Variants in SKI observed in about 807,000 individuals in gnomAD.
SKI encodes ski oncogene.
SKI carries 23 observed loss-of-function variants against 59.3 expected under a neutral mutation model. The observed-to-expected ratio is 0.39, with a 90% confidence interval of 0.28 to 0.55. SKI has a LOEUF of 0.55. SKI is among the 20% of genes least tolerant of loss of function. The pLI is 0.67. For synonymous variants in SKI, 673 were observed against 488.6 expected, an observed-to-expected ratio of 1.38 and a Z score of -4.98; for missense variants, 1,017 against 1,038.9, an observed-to-expected ratio of 0.98 and a Z score of 0.29.
rs190797560 is a variant in SKI at position 2,241,636 on chromosome 1, G to A, written c.969+11901G>A. Among the ~76,000 whole-genome samples the A allele has an allele frequency of 2.4e-4, 37 of 152,156 alleles. 1 individual carries two copies. In the East Asian group the frequency reaches 5.0e-3, roughly 21 times the overall value. The stretch of plus-strand genomic sequence containing the variant: ...TCTCGATCTCCTGACCTCGCGATCC[G>A]CCCGCCTCGGCCTCCCAAAGTGCTA... On this transcript the variant is annotated intron_variant, in intron 1 of 6. Coordinates refer to ENST00000378536, the MANE Select transcript of SKI (RefSeq NM_003036.4).
intron 1 of SKI, among the ~76,000 whole-genome samples, chr1:2,282,918 G>A (rs574716664): frequency 1.3e-5 from 2 of 152,354 alleles, no homozygotes; most frequent in East Asian, 1.9e-4. Context: ...CCTAAGCTGA[G>A]CCACTGTGTA....
chr1:2,268,073 T>C lies in SKI; in HGVS notation c.970-34905T>C, dbSNP rs940026943. Among the ~76,000 whole-genome samples the C allele has an allele frequency of 6.6e-6, 1 of 152,200 alleles. No homozygotes were observed. Among genetic ancestry groups the C allele is most frequent in the Non-Finnish European group, 1.5e-5 (1 of 68,004 alleles). Reference sequence around the variant, plus strand: ...CAGGCCAGGGCACTCCCAACAGCACTGCGTGGAGCTGGTGCCCACCCCTGT... The same window carrying C: ...CAGGCCAGGGCACTCCCAACAGCACCGCGTGGAGCTGGTGCCCACCCCTGT... On this transcript the variant is annotated intron_variant, in intron 1 of 6. Coordinates refer to ENST00000378536, the MANE Select transcript of SKI (RefSeq NM_003036.4). The surrounding 1 kb of genome is among the most constrained non-coding windows in gnomAD (Gnocchi z 5.0).
intron 1 of SKI, among the ~76,000 whole-genome samples, chr1:2,245,814 T>TTTTTTTTGG (rs71266538): frequency 7.0e-6 from 1 of 142,510 alleles, no homozygotes; most frequent in African/African-American, 2.7e-5. Flanking sequence ...TTTTTTTTTT[T>TTTTTTTTGG]GAGGCAGGGT....
chr1:2,258,106 A>T (rs192912369), intron 1 of SKI, among the ~76,000 whole-genome samples: 2 of 152,350 alleles, frequency 1.3e-5, no homozygotes, highest in East Asian at 3.9e-4. Context: ...GAGGTACTTT[A>T]TAAAGGGAAA....
chr1:2,305,954 C>CCCATGG (rs1640562093), intron 5 of SKI, 66 bp from the exon 6 acceptor site: 1 of 1,239,722 alleles, frequency 8.1e-7, no homozygotes. Flanking sequence ...CTGAGGACTG[C>CCCATGG]TGGTCATGGT....
At chr1:2,286,033 C>A (rs1640034530) in intron 1 of SKI, among the ~76,000 whole-genome samples, 1 of 152,006 alleles carries the variant, frequency 6.6e-6, no homozygotes, top group Non-Finnish European at 1.5e-5. Context: ...ACTGCCACAC[C>A]CGGCTAATTT....
rs996858859 is a variant in SKI, at chr1:2,267,110, G to C, written c.970-35868G>C. Reference sequence around the variant, plus strand: ...CTTCATCACCGCCTTTTCAGTTTCAGCGGGAATTGATTATGAACAAAGTGC... The same window carrying C: ...CTTCATCACCGCCTTTTCAGTTTCACCGGGAATTGATTATGAACAAAGTGC... On this transcript the variant is annotated intron_variant, in intron 1 of 6. Coordinates refer to ENST00000378536, the MANE Select transcript of SKI (RefSeq NM_003036.4). This position sits in a 1 kb window ranked among gnomAD's most constrained non-coding sequence, Gnocchi z 4.1. 2.6e-5 allele frequency among the ~76,000 whole-genome samples: 4 copies of C among 152,188 alleles called. No homozygotes were observed. Among genetic ancestry groups the C allele is most frequent in the African/African-American group, 9.7e-5 (4 of 41,430 alleles).
chr1:2,249,661 G>A (rs1389628491), intron 1 of SKI, among the ~76,000 whole-genome samples: 1 of 152,214 alleles, frequency 6.6e-6, no homozygotes, highest in Non-Finnish European at 1.5e-5. Context: ...GTGGAGGAGG[G>A]AAGAGCCAGC....
At position 2,309,667 on chromosome 1, in the gene SKI, C is replaced by A. The variant is rs1367185201; in HGVS notation, c.*2902C>A. The stretch of plus-strand genomic sequence containing the variant: ...CCTCCCTGTGGGTCTGAGCCCCGGC[C>A]CCCCCCACCTCCTCCTCCCTGTGGG... On this transcript the variant is annotated 3_prime_UTR_variant, in exon 7 of 7. Transcript: ENST00000378536. The A allele has an allele frequency of 2.5e-5, 3 of 118,218 alleles. No homozygotes were observed. In the South Asian group the frequency reaches 1.1e-3, roughly 45 times the overall value. 7.3% of individuals were successfully genotyped at this position (118,218 alleles called of 1,614,324 possible).
At chr1:2,286,211 G>T (rs1323124749) in intron 1 of SKI, among the ~76,000 whole-genome samples, 1 of 152,190 alleles carries the variant, frequency 6.6e-6, no homozygotes, top group African/African-American at 2.4e-5. Flanking sequence ...AGTTTAAGAC[G>T]CAAATGCAGG....
At chr1:2,254,726 C>CTGCG (rs1484853848) in intron 1 of SKI, among the ~76,000 whole-genome samples, 2 of 151,570 alleles carry the variant, frequency 1.3e-5, no homozygotes, top group African/African-American at 2.4e-5. Flanking sequence ...ACTGTGGTCA[C>CTGCG]TGCGTGCGTG....
chr1:2,270,865 C>T lies in SKI; in HGVS notation c.970-32113C>T, dbSNP rs868562034. The stretch of plus-strand genomic sequence containing the variant: ...GGTGCACAAGTTCACATTTGTCCCT[C>T]TCCTGCCCCAGGGCACCTGGCCCTG... On this transcript the variant is annotated intron_variant, in intron 1 of 6. Coordinates refer to ENST00000378536, the MANE Select transcript of SKI (RefSeq NM_003036.4). This position sits in a 1 kb window ranked among gnomAD's most constrained non-coding sequence, Gnocchi z 4.1. 3.7e-4 allele frequency among the ~76,000 whole-genome samples: 56 copies of T among 152,340 alleles called. No homozygotes were observed. Among genetic ancestry groups the T allele is most frequent in the African/African-American group, 1.3e-3 (55 of 41,584 alleles).
At chr1:2,264,210 C>T (rs936560948) in intron 1 of SKI, among the ~76,000 whole-genome samples, 1 of 152,058 alleles carries the variant, frequency 6.6e-6, no homozygotes, top group Non-Finnish European at 1.5e-5. Context: ...AAGGTATTTG[C>T]GTAGGTATAG....
chr1:2,299,548 C>T (rs1185471191), intron 1 of SKI, among the ~76,000 whole-genome samples: 2 of 152,162 alleles, frequency 1.3e-5, no homozygotes, highest in Admixed American at 1.3e-4. Flanking sequence ...AGGACTCCAG[C>T]CTCCCTGCCA....
intron 1 of SKI, among the ~76,000 whole-genome samples, chr1:2,271,211 C>G (rs1453940020): frequency 6.6e-6 from 1 of 152,174 alleles, no homozygotes; most frequent in Non-Finnish European, 1.5e-5. Context: ...ACTCCCACCT[C>G]CCAGTCAGGC....
At chr1:2,284,305 G>A (rs574325534) in intron 1 of SKI, among the ~76,000 whole-genome samples, 1 of 152,314 alleles carries the variant, frequency 6.6e-6, no homozygotes, top group Admixed American at 6.5e-5. Flanking sequence ...GTAGGGTTGA[G>A]TTCCCTCCTC....
rs1163010444 is a variant in SKI, at chr1:2,268,716, C to G, written c.970-34262C>G. 6.6e-6 allele frequency among the ~76,000 whole-genome samples: 1 copy of G among 152,218 alleles called. No individual in the cohort carries two copies. Among genetic ancestry groups the G allele is most frequent in the East Asian group, 1.9e-4 (1 of 5,196 alleles). The stretch of plus-strand genomic sequence containing the variant: ...CTGTGAGGGCTGCAGAGCAGCGTGC[C>G]CAGGGGCTGTAGGTGCAGTCCAGGG... On this transcript the variant is annotated intron_variant, in intron 1 of 6. Coordinates refer to ENST00000378536, the MANE Select transcript of SKI (RefSeq NM_003036.4). The surrounding 1 kb of genome is among the most constrained non-coding windows in gnomAD (Gnocchi z 5.0).
At position 2,271,048 on chromosome 1, in the gene SKI, C is replaced by T. The variant is rs367567490; in HGVS notation, c.970-31930C>T. Among the ~76,000 whole-genome samples, 8 of 152,306 alleles carry T rather than the reference C, an allele frequency of 5.3e-5. No individual in the cohort carries two copies. The East Asian group carries it at 1.5e-3, about 29-fold the overall frequency. On this transcript the variant is annotated intron_variant, in intron 1 of 6. Coordinates refer to ENST00000378536, the MANE Select transcript of SKI (RefSeq NM_003036.4). The stretch of plus-strand genomic sequence containing the variant: ...GGGCTGGGGCCTGGTGTGACCTGCA[C>T]GGTCTGTGGGGGTTGGAGGGATGCG...
At chr1:2,230,421 G>T (rs1309744414) in intron 1 of SKI, among the ~76,000 whole-genome samples, 2 of 152,158 alleles carry the variant, frequency 1.3e-5, no homozygotes, top group Non-Finnish European at 2.9e-5. Context: ...AGAGTCCGCC[G>T]TGTGGGGTGA....
Sources: gnomAD v4.1 joint callset for allele counts (sites outside exome capture counted in the v4.1 genomes callset) on GRCh38, gnomAD v4.1.1 for gene constraint, Gnocchi (gnomAD v3.1) non-coding constraint, MANE v1.5 for transcripts, NCBI Gene and HGNC (gene_info 2026-07-23, HGNC 2026-07-21) for gene names.